Variants in ARID4B observed in about 807,000 individuals in gnomAD.
The protein encoded by ARID4B is AT-rich interaction domain 4B.
ARID4B carries 26 observed loss-of-function variants against 147.5 expected under a neutral mutation model. That is an observed-to-expected ratio of 0.18 (90% CI 0.13 to 0.24). ARID4B has a LOEUF of 0.24. Among genes scored for constraint, ARID4B ranks in the 10% least tolerant of loss-of-function variants. The probability of loss-of-function intolerance (pLI) is 1.00; values close to 1 mark genes in which losing one functional copy is unlikely to be tolerated. For synonymous variants in ARID4B, 512 were observed against 507.9 expected, an observed-to-expected ratio of 1.01 and a Z score of -0.11; for missense variants, 1,179 against 1,511.5, an observed-to-expected ratio of 0.78 and a Z score of 3.65.
intron 2 of ARID4B, among the ~76,000 whole-genome samples, chr1:235,269,930 GTTT>G (rs925525664): frequency 2.6e-5 from 4 of 151,682 alleles, no homozygotes; most frequent in Non-Finnish European, 5.9e-5. Context: ...GCTCATTTTT[GTTT>G]TTGTTTTTTG....
At chr1:235,225,487 G>A (rs765392526) in intron 11 of ARID4B, among the ~76,000 whole-genome samples, 3 of 152,214 alleles carry the variant, frequency 2.0e-5, no homozygotes, top group Non-Finnish European at 4.4e-5. Context: ...TAAGATTGAG[G>A]AACTCACCAA....
At position 235,219,897 on chromosome 1, in the gene ARID4B, T is replaced by A. The variant is rs1226325242; in HGVS notation, c.1479A>T (p.Lys493Asn). ...CATCCAGATTTTCATTGTCTTCTGG[T>A]TTTTTAATGTTAACTTCTTTTTCCT... ...SDQEKEVNIK[K>N]PEDNENLDDK... The change falls in exon 16 of 24, where the codon AAA becomes AAT. Residue 493 changes from lysine (K) to asparagine (N), a missense_variant. Around this residue, in one of 10 missense-constraint regions of ARID4B, gnomAD observed 204 missense variants for 210.9 expected, o/e 0.97. Transcript: ENST00000264183. 6.3e-7 allele frequency: 1 copy of A among 1,597,718 alleles called. No homozygotes were observed. The highest frequency in any genetic ancestry group is 1.3e-5 in the African/African-American group (1 of 74,398).
rs926682433 is a variant in ARID4B, at chr1:235,322,797, C to T, written c.6+4117G>A. On this transcript the variant is annotated intron_variant, in intron 2 of 23. Coordinates refer to ENST00000264183, the MANE Select transcript of ARID4B (RefSeq NM_016374.6). ...TGAATGACTTATGAAAGGGGTGAGA[C>T]AGAAGGAAGAGGGGGAAGGAAAAGA... Among the ~76,000 whole-genome samples, 7 of 145,906 alleles carry T rather than the reference C, an allele frequency of 4.8e-5. No individual in the cohort carries two copies. In the Admixed American group the frequency reaches 4.9e-4, roughly 10 times the overall value.
At chr1:235,323,765 CA>C in intron 2 of ARID4B, among the ~76,000 whole-genome samples, 1 of 149,926 alleles carries the variant, frequency 6.7e-6, no homozygotes, top group East Asian at 2.0e-4. Context: ...GCCTGGGCAA[CA>C]AGAGCAAAAG....
At chr1:235,315,757 A>C (rs1674381999) in intron 2 of ARID4B, among the ~76,000 whole-genome samples, 1 of 152,264 alleles carries the variant, frequency 6.6e-6, no homozygotes, top group African/African-American at 2.4e-5. Context: ...ACTGTATCCT[A>C]AAGCTAAGCA....
At chr1:235,211,741 T>C (rs16832469) in intron 17 of ARID4B, among the ~76,000 whole-genome samples, 19,990 of 152,180 alleles carry the variant, frequency 0.13, 1,524 homozygotes, top group African/African-American at 0.2. Flanking sequence ...AGCTTTTTTC[T>C]TCCTAATTTT....
At chr1:235,210,724 G>C (rs1666661028) in intron 17 of ARID4B, among the ~76,000 whole-genome samples, 1 of 152,132 alleles carries the variant, frequency 6.6e-6, no homozygotes, top group Non-Finnish European at 1.5e-5. Context: ...ACAAGCACTT[G>C]AGTTCTCAGA....
At chr1:235,322,331 C>T (rs142677033) in intron 2 of ARID4B, among the ~76,000 whole-genome samples, 1 of 152,172 alleles carries the variant, frequency 6.6e-6, no homozygotes, top group East Asian at 1.9e-4. Flanking sequence ...AGAAAATTTT[C>T]GACTCCCTCA....
intron 19 of ARID4B, chr1:235,187,204 C>A (rs1664756830): frequency 4.5e-5 from 11 of 242,698 alleles, no homozygotes; most frequent in South Asian, 4.4e-4. Context: ...GCCTCAGCCT[C>A]CCAAGCAGCT....
At chr1:235,266,411 G>A (rs552334458) in intron 2 of ARID4B, among the ~76,000 whole-genome samples, 1 of 152,230 alleles carries the variant, frequency 6.6e-6, no homozygotes, top group South Asian at 2.1e-4. Context: ...AAAATAAGAT[G>A]TTTTTATGTA....
At chr1:235,234,525 A>G in intron 8 of ARID4B, 33 bp from the exon 9 acceptor site, 1 of 1,446,308 alleles carries the variant, frequency 6.9e-7, no homozygotes, top group South Asian at 1.2e-5. Flanking sequence ...TATTATAACT[A>G]AAAGAACTCA....
chr1:235,181,567 A>G lies in ARID4B; in HGVS notation c.3334+18T>C. 1 of 1,605,996 alleles carries G rather than the reference A, an allele frequency of 6.2e-7. No individual in the cohort carries two copies. The highest frequency in any genetic ancestry group is 1.7e-5 in the Admixed American group (1 of 59,368). On this transcript the variant is annotated intron_variant, in intron 20 of 23. Coordinates refer to ENST00000264183, the MANE Select transcript of ARID4B (RefSeq NM_016374.6). ...GGGAAACCCTAAAATAAGTCAACAT[A>G]CACATTTTCCTTCTCACCTTTTTCA...
chr1:235,267,603 C>T (rs754420231), intron 2 of ARID4B, among the ~76,000 whole-genome samples: 11 of 152,068 alleles, frequency 7.2e-5, no homozygotes, highest in African/African-American at 1.2e-4. Flanking sequence ...GAGGCCGAGG[C>T]GGGTGGATCA....
intron 11 of ARID4B, among the ~76,000 whole-genome samples, chr1:235,225,146 T>C (rs372063517): frequency 6.6e-6 from 1 of 152,192 alleles, no homozygotes; most frequent in Non-Finnish European, 1.5e-5. Context: ...TCTCAACTTA[T>C]GCGAAACTGG....
At chr1:235,170,285 A>G (rs916242546) in intron 23 of ARID4B, among the ~76,000 whole-genome samples, 26 of 152,204 alleles carry the variant, frequency 1.7e-4, no homozygotes, top group African/African-American at 6.3e-4. Context: ...TGGCAGAGAT[A>G]AGTAGTTTCT....
At chr1:235,181,077 TAGTC>T in intron 20 of ARID4B, 2 of 1,013,564 alleles carry the variant, frequency 2.0e-6, no homozygotes, top group African/African-American at 1.7e-5. Context: ...TCACACAAGT[TAGTC>T]AGGCTTGAAA....
intron 19 of ARID4B, among the ~76,000 whole-genome samples, chr1:235,188,588 G>A (rs1256721784): frequency 1.3e-5 from 2 of 152,114 alleles, no homozygotes; most frequent in African/African-American, 4.8e-5. Context: ...GTACAGATGC[G>A]ATGCTGAAAT....
At chr1:235,268,002 A>G (rs1282120124) in intron 2 of ARID4B, among the ~76,000 whole-genome samples, 6 of 152,144 alleles carry the variant, frequency 3.9e-5, no homozygotes, top group Admixed American at 1.3e-4. Flanking sequence ...CACTAAGGAC[A>G]TGGATTTGTG....
intron 17 of ARID4B, among the ~76,000 whole-genome samples, chr1:235,201,942 G>T (rs1030029460): frequency 6.6e-6 from 1 of 151,426 alleles, no homozygotes; most frequent in Non-Finnish European, 1.5e-5. Flanking sequence ...TTAGATTCAA[G>T]CAATACAGTT....
Sources: allele counts gnomAD v4.1 joint callset (sites outside exome capture counted in the v4.1 genomes callset), GRCh38; gene constraint gnomAD v4.1.1; regional missense constraint gnomAD v4.1.1; transcripts MANE v1.5; gene names NCBI Gene and HGNC (gene_info 2026-07-23, HGNC 2026-07-21).